The following WWC2 variants were observed in gnomAD, a reference collection of about 807,000 sequenced individuals.
WWC2 encodes the protein protein WWC2.
In WWC2, 101 loss-of-function variants were observed where a neutral mutation model predicts 138.5. The ratio of observed to expected loss-of-function variants is 0.73; its 90% CI spans 0.62 to 0.86. The LOEUF (loss-of-function observed/expected upper bound fraction) is 0.86. Among genes scored for constraint, WWC2 ranks in the 40% least tolerant of loss-of-function variants. WWC2 has a pLI of 0.00. For missense variants in WWC2, 1,420 were observed against 1,419.4 expected, an observed-to-expected ratio of 1.00 and a Z score of -0.01; for synonymous variants, 558 against 538.4, an observed-to-expected ratio of 1.04 and a Z score of -0.50.
At chr4:183,127,579 C>G (rs6848746) in intron 1 of WWC2, among the ~76,000 whole-genome samples, 6,462 of 152,106 alleles carry the variant, frequency 0.042, 166 homozygotes, top group African/African-American at 0.069. Flanking sequence ...CAACATGAGG[C>G]CTACAGTTAA....
intron 2 of WWC2, among the ~76,000 whole-genome samples, chr4:183,205,262 G>C (rs1735417209): frequency 2.0e-5 from 3 of 152,188 alleles, no homozygotes; most frequent in Admixed American, 1.3e-4. Context: ...ATTTTACATA[G>C]TGAGCAATGG....
chr4:183,284,533 A>C, intron 19 of WWC2, 143 bp downstream of exon 19: 1 of 967,618 alleles, frequency 1.0e-6, no homozygotes, highest in Non-Finnish European at 1.5e-6. Flanking sequence ...AAACAGATGT[A>C]GAATATCACG....
rs772620960 is a variant in WWC2, at chr4:183,265,759, T to C, written c.2111T>C (p.Ile704Thr). The change falls in exon 13 of 23, where the codon ATA becomes ACA. Residue 704 changes from isoleucine to threonine, a missense_variant. Ile to Thr is a moderately conservative substitution (Grantham distance 89). Transcript: ENST00000403733. Reference sequence around the variant, plus strand: ...ATTGTAGAGACCGCCCAGGTTCAGATAGGACTCAGGTAAGGAATGTACGTG... The same window carrying C: ...ATTGTAGAGACCGCCCAGGTTCAGACAGGACTCAGGTAAGGAATGTACGTG... The part of the protein sequence containing the change: ...VAIVETAQVQ[I>T]GLRYNAKSSS... 14 of 1,611,240 alleles carry C rather than the reference T, an allele frequency of 8.7e-6. No individual in the cohort carries two copies. The highest frequency in any genetic ancestry group is 4.5e-5 in the East Asian group (2 of 44,830).
intron 1 of WWC2, among the ~76,000 whole-genome samples, chr4:183,102,613 T>G (rs954420274): frequency 1.3e-5 from 2 of 152,112 alleles, no homozygotes; most frequent in Non-Finnish European, 2.9e-5. Context: ...TGTTCAGGGG[T>G]CTTTGGGTGG....
chr4:183,236,059 T>C (rs1364637668), intron 4 of WWC2, among the ~76,000 whole-genome samples: 2 of 152,218 alleles, frequency 1.3e-5, no homozygotes, highest in African/African-American at 4.8e-5. Context: ...TCTAGATTCA[T>C]TCTTCTGCAT....
At chr4:183,184,716 T>C (rs1734741498) in intron 1 of WWC2, among the ~76,000 whole-genome samples, 1 of 152,224 alleles carries the variant, frequency 6.6e-6, no homozygotes. Context: ...GGTTTTGATT[T>C]GCATTTCCAT....
chr4:183,146,740 A>G (rs991688231), intron 1 of WWC2, among the ~76,000 whole-genome samples: 2 of 152,198 alleles, frequency 1.3e-5, no homozygotes, highest in Non-Finnish European at 2.9e-5. Context: ...GTCAGCACGA[A>G]AAGACTCTGC....
chr4:183,252,647 C>G (rs1161216681), intron 8 of WWC2, among the ~76,000 whole-genome samples: 2 of 152,192 alleles, frequency 1.3e-5, no homozygotes, highest in African/African-American at 4.8e-5. Context: ...GCTGCCTGTA[C>G]TAGTGAAGGT....
intron 1 of WWC2, among the ~76,000 whole-genome samples, chr4:183,155,191 A>G (rs561279482): frequency 2.0e-3 from 56 of 27,682 alleles, no homozygotes; most frequent in African/African-American, 4.0e-3. Flanking sequence ...TCTTCTGAGG[A>G]GAGAGAGAGA....
chr4:183,155,679 G>C (rs1733784783), intron 1 of WWC2, among the ~76,000 whole-genome samples: 1 of 152,136 alleles, frequency 6.6e-6, no homozygotes, highest in Non-Finnish European at 1.5e-5. Flanking sequence ...CAGTTGGTTG[G>C]ACTACATGTA....
intron 1 of WWC2, among the ~76,000 whole-genome samples, chr4:183,173,825 T>A (rs1208993984): frequency 6.6e-6 from 1 of 152,156 alleles, no homozygotes; most frequent in Non-Finnish European, 1.5e-5. Context: ...TTGGTATTGT[T>A]TTTTATTGCA....
At chr4:183,281,117 C>T in intron 17 of WWC2, 1 of 546,258 alleles carries the variant, frequency 1.8e-6, no homozygotes, top group Non-Finnish European at 2.9e-6. Context: ...ATTCTTTGTT[C>T]TTGTTTCGAG....
intron 1 of WWC2, among the ~76,000 whole-genome samples, chr4:183,128,098 TG>T (rs1488228464): frequency 6.6e-6 from 1 of 150,486 alleles, no homozygotes; most frequent in Non-Finnish European, 1.5e-5. Flanking sequence ...CCCAGCACTT[TG>T]GGAGGCTGAG....
intron 21 of WWC2, among the ~76,000 whole-genome samples, chr4:183,290,125 T>C (rs1441954560): frequency 6.6e-6 from 1 of 152,196 alleles, no homozygotes; most frequent in African/African-American, 2.4e-5. Context: ...TTCATTCTTA[T>C]CTTAAAGAAA....
At chr4:183,160,795 T>C (rs1262277925) in intron 1 of WWC2, among the ~76,000 whole-genome samples, 1 of 152,206 alleles carries the variant, frequency 6.6e-6, no homozygotes, top group Non-Finnish European at 1.5e-5. Flanking sequence ...AGAAGGATGC[T>C]GCTGGGAAAT....
At chr4:183,280,923 T>C (rs1313834454) in intron 17 of WWC2, 26 bp downstream of exon 17, 2 of 1,543,488 alleles carry the variant, frequency 1.3e-6, no homozygotes, top group African/African-American at 2.8e-5. Context: ...CCTTTGCTGT[T>C]GGGAGCTCAA....
intron 4 of WWC2, among the ~76,000 whole-genome samples, chr4:183,219,661 T>C: frequency 6.6e-6 from 1 of 152,200 alleles, no homozygotes; most frequent in East Asian, 1.9e-4. Context: ...ATAAGGCACT[T>C]TGACTATTCA....
intron 9 of WWC2, among the ~76,000 whole-genome samples, chr4:183,255,877 C>CTTTTTTT (rs551883972): frequency 1.4e-5 from 2 of 140,754 alleles, no homozygotes; most frequent in African/African-American, 5.3e-5. Flanking sequence ...GCTTTTTTTC[C>CTTTTTTT]TTTTTTTTTT....
intron 4 of WWC2, among the ~76,000 whole-genome samples, chr4:183,236,632 A>G (rs1224575796): frequency 6.6e-6 from 1 of 152,232 alleles, no homozygotes; most frequent in East Asian, 1.9e-4. Flanking sequence ...CAGTTCATCC[A>G]CAAGGTCTCA....
Sources: allele counts gnomAD v4.1 joint callset (sites outside exome capture counted in the v4.1 genomes callset), GRCh38; gene constraint gnomAD v4.1.1; transcripts MANE v1.5; gene names NCBI Gene and HGNC (gene_info 2026-07-23, HGNC 2026-07-21).